The following FBXO11 variants were observed in gnomAD, a reference collection of about 807,000 sequenced individuals.
FBXO11 encodes the protein F-box only protein 11.
In FBXO11, 13 loss-of-function variants were observed where a neutral mutation model predicts 117.0. That is an observed-to-expected ratio of 0.11 (90% CI 0.07 to 0.18). The LOEUF (loss-of-function observed/expected upper bound fraction) is 0.18. Ranked by LOEUF, FBXO11 falls within the 10% of genes least tolerant of loss-of-function variation. The pLI is 1.00. For synonymous variants in FBXO11, 490 were observed against 380.5 expected, an observed-to-expected ratio of 1.29 and a Z score of -3.35; for missense variants, 767 against 1,164.4, an observed-to-expected ratio of 0.66 and a Z score of 4.97.
chr2:47,851,496 G>C (rs1458317890), intron 1 of FBXO11, among the ~76,000 whole-genome samples: 3 of 152,102 alleles, frequency 2.0e-5, no homozygotes, highest in Non-Finnish European at 2.9e-5. Context: ...CAAAGTGCTG[G>C]GATTACAGGT....
chr2:47,900,005 G>C (rs1160251855), intron 1 of FBXO11, among the ~76,000 whole-genome samples: 1 of 152,034 alleles, frequency 6.6e-6, no homozygotes, highest in African/African-American at 2.4e-5. Flanking sequence ...AACAGATCAG[G>C]AACTACTTGT....
In FBXO11 at chr2:47,809,282, GAAT is replaced by G. The variant is rs756698768; in HGVS notation, c.2447-19_2447-17del. On this transcript the variant is annotated splice_polypyrimidine_tract_variant and intron_variant, in intron 20 of 22. Transcript: ENST00000403359. ...ATTTTGTTATCTGTAATAAAAGAAA[GAAT>G]AAGTAAAAATTCAGAGGAATGTTAA... The G allele has an allele frequency of 3.4e-6, 5 of 1,459,074 alleles. No homozygotes were observed. Among genetic ancestry groups the G allele is most frequent in the East Asian group, 4.6e-5 (2 of 43,610 alleles). 90.4% of individuals were successfully genotyped at this position (1,459,074 alleles called of 1,614,324 possible).
chr2:47,818,941 C>G lies in FBXO11; in HGVS notation c.1920+15G>C. 6.2e-7 allele frequency: 1 copy of G among 1,608,688 alleles called. No individual in the cohort carries two copies. Among genetic ancestry groups the G allele is most frequent in the Non-Finnish European group, 8.5e-7 (1 of 1,178,662 alleles). On this transcript the variant is annotated intron_variant, in intron 15 of 22. Coordinates refer to ENST00000403359, the MANE Select transcript of FBXO11 (RefSeq NM_001190274.2). ...AACAATGTATTTCCCATCCAAGAGT[C>G]CAGGCTAATCCTACCTGCTTGCCAC... is the stretch of plus-strand genomic sequence containing the variant.
intron 1 of FBXO11, among the ~76,000 whole-genome samples, chr2:47,847,429 C>G (rs1416946752): frequency 1.3e-5 from 2 of 152,198 alleles, no homozygotes; most frequent in Non-Finnish European, 2.9e-5. Flanking sequence ...AGTATCATGG[C>G]TGGGTGTGGT....
intron 4 of FBXO11, among the ~76,000 whole-genome samples, chr2:47,838,061 CAAA>C (rs11286219): frequency 1.8e-3 from 193 of 104,464 alleles, no homozygotes; most frequent in African/African-American, 5.9e-3. Flanking sequence ...CCCTTTGTCT[CAAA>C]AAAAAAAAAA....
intron 1 of FBXO11, 132 bp downstream of exon 1, chr2:47,905,357 C>A (rs1572942647): frequency 2.1e-6 from 2 of 943,632 alleles, no homozygotes; most frequent in East Asian, 1.0e-4. Flanking sequence ...GGGGGACCCG[C>A]CTCCGCTCAG....
chr2:47,865,310 A>G (rs1675112545), intron 1 of FBXO11, among the ~76,000 whole-genome samples: 1 of 152,206 alleles, frequency 6.6e-6, no homozygotes, highest in South Asian at 2.1e-4. Context: ...TGGCCATCTG[A>G]CTAGGTTTTG....
At chr2:47,821,655 T>A (rs1258703993) in intron 13 of FBXO11, among the ~76,000 whole-genome samples, 8 of 149,228 alleles carry the variant, frequency 5.4e-5, no homozygotes. Context: ...CATGGTAGCA[T>A]GCACCTGTAA....
At chr2:47,905,292 G>T (rs887255124) in intron 1 of FBXO11, 197 bp downstream of exon 1, 1 of 390,390 alleles carries the variant, frequency 2.6e-6, no homozygotes, top group Non-Finnish European at 4.0e-6. Flanking sequence ...GGCGAGAAGG[G>T]AAGCCGCGGC....
chr2:47,881,108 C>T (rs555768220), intron 1 of FBXO11, among the ~76,000 whole-genome samples: 7 of 152,152 alleles, frequency 4.6e-5, no homozygotes, highest in South Asian at 2.1e-4. Context: ...AAAAATTAGC[C>T]GGGCTTAGTG....
chr2:47,825,421 CAA>C (rs1671676570), intron 11 of FBXO11, among the ~76,000 whole-genome samples: 1 of 151,768 alleles, frequency 6.6e-6, no homozygotes, highest in Non-Finnish European at 1.5e-5. Context: ...ATCAAAAAAA[CAA>C]AAAGAGGCTA....
Position 47,906,443 on chromosome 2 carries a change from T to G in FBXO11, c.-723A>C, listed in dbSNP as rs1314589485. Among the ~76,000 whole-genome samples, 1 of 152,114 alleles carries G rather than the reference T, an allele frequency of 6.6e-6. No homozygotes were observed. Among genetic ancestry groups the G allele is most frequent in the Non-Finnish European group, 1.5e-5 (1 of 68,016 alleles). On this transcript the variant is annotated 5_prime_UTR_variant, in exon 1 of 23. Coordinates refer to ENST00000403359, the MANE Select transcript of FBXO11 (RefSeq NM_001190274.2). ...TCGTCAGCCCTGTCGCCGCTGCTTC[T>G]GCTGCTGCTCCGTGGCAGGAGGAGC...
At chr2:47,880,132 A>C (rs769746617) in intron 1 of FBXO11, among the ~76,000 whole-genome samples, 6 of 151,976 alleles carry the variant, frequency 3.9e-5, no homozygotes, top group Non-Finnish European at 5.9e-5. Context: ...AGTTGCTGGG[A>C]CCACAGGCAC....
chr2:47,821,899 C>T (rs900420237), intron 13 of FBXO11, among the ~76,000 whole-genome samples: 2 of 152,114 alleles, frequency 1.3e-5, no homozygotes, highest in Non-Finnish European at 2.9e-5. Context: ...CAAGACCAGC[C>T]TGGGCAACAA....
intron 1 of FBXO11, among the ~76,000 whole-genome samples, chr2:47,846,396 G>T (rs1169406340): frequency 6.6e-6 from 1 of 152,246 alleles, no homozygotes; most frequent in East Asian, 1.9e-4. Context: ...GAACCTGGAA[G>T]AAGGCGGCTG....
intron 1 of FBXO11, among the ~76,000 whole-genome samples, chr2:47,863,055 CAAAAAAAA>C (rs763187950): frequency 4.1e-5 from 3 of 73,956 alleles, no homozygotes; most frequent in South Asian, 4.9e-4. Context: ...AACTGTGTCT[CAAAAAAAA>C]AAAAAAAACA....
chr2:47,885,001 TCATTACCAAA>T (rs1676712461), intron 1 of FBXO11, among the ~76,000 whole-genome samples: 4 of 152,314 alleles, frequency 2.6e-5, no homozygotes, highest in South Asian at 4.1e-4. Context: ...TATAGCAACT[TCATTACCAAA>T]CAGTATTATA....
At chr2:47,862,200 G>T (rs1426033372) in intron 1 of FBXO11, among the ~76,000 whole-genome samples, 1 of 152,144 alleles carries the variant, frequency 6.6e-6, no homozygotes, top group Non-Finnish European at 1.5e-5. Flanking sequence ...GGACTACACA[G>T]GTGTGAGCCA....
At chr2:47,848,778 T>C (rs1308666180) in intron 1 of FBXO11, among the ~76,000 whole-genome samples, 2 of 152,172 alleles carry the variant, frequency 1.3e-5, no homozygotes, top group Non-Finnish European at 2.9e-5. Context: ...AAAATTTATT[T>C]TAGGATTCAA....
Sources: gnomAD v4.1 joint callset for allele counts (sites outside exome capture counted in the v4.1 genomes callset) on GRCh38, gnomAD v4.1.1 for gene constraint, MANE v1.5 for transcripts, NCBI Gene and HGNC (gene_info 2026-07-23, HGNC 2026-07-21) for gene names.